CALML6: variants seen among roughly 807,000 people sequenced by gnomAD.
The protein encoded by CALML6 is calmodulin-like protein 6.
Under a neutral mutation model 25.0 loss-of-function variants are expected in CALML6, and 27 were observed. The observed-to-expected ratio is 1.08, with a 90% CI of 0.80 to 1.49. The LOEUF (loss-of-function observed/expected upper bound fraction) is 1.49, where lower values mean the gene tolerates loss of function less well. Among genes scored for constraint, CALML6 ranks in the 40% most tolerant of loss-of-function variants. The probability of loss-of-function intolerance (pLI) is 0.00; values close to 1 mark genes in which losing one functional copy is unlikely to be tolerated. For synonymous variants in CALML6, 97 were observed against 87.2 expected (o/e 1.11, Z -0.63); for missense variants, 239 against 232.7 (o/e 1.03, Z -0.18).
At chr1:1,915,874 C>A in intron 2 of CALML6, 139 bp downstream of exon 2, 1 of 806,448 alleles carries the variant, frequency 1.2e-6, no homozygotes, top group Non-Finnish European at 2.1e-6. Flanking sequence ...AGCCCTGCTG[C>A]CACCAACACA....
chr1:1,916,897 G>T lies in CALML6; in HGVS notation c.398+1G>T, dbSNP rs1179028960. 2 of 1,495,554 alleles carry T rather than the reference G, an allele frequency of 1.3e-6. No homozygotes were observed. 92.6% of individuals were successfully genotyped at this position (1,495,554 alleles called of 1,614,324 possible). A position where few individuals can be genotyped will look rare whatever the true frequency, so the allele number is the denominator to read the frequency against. On this transcript the variant is annotated splice_donor_variant, in intron 4 of 5. Coordinates refer to ENST00000307786, the MANE Select transcript of CALML6 (RefSeq NM_138705.4). LOFTEE classifies it high-confidence loss of function. ...GCTACATTGACTGGAACACACTCAAGTAGGGCCCGGGTTGGGGGCGGGTGG... is the reference window on the plus strand; with the variant it reads ...GCTACATTGACTGGAACACACTCAATTAGGGCCCGGGTTGGGGGCGGGTGG...
chr1:1,915,924 A>C, intron 2 of CALML6, 189 bp downstream of exon 2: 1 of 624,478 alleles, frequency 1.6e-6, no homozygotes, highest in Non-Finnish European at 2.9e-6. Context: ...CCCTTTCTGA[A>C]AGCTGGCTCC....
chr1:1,916,687 G>T, intron 3 of CALML6, 65 bp from the exon 4 acceptor site: 2 of 1,609,268 alleles, frequency 1.2e-6, no homozygotes, highest in Non-Finnish European at 1.7e-6. Context: ...CCTACGGGGG[G>T]AAGAGGCAAA....
chr1:1,915,756 C>T (rs765761552), intron 2 of CALML6, 21 bp downstream of exon 2: 10 of 1,612,218 alleles, frequency 6.2e-6, no homozygotes, highest in East Asian at 2.2e-5. Flanking sequence ...TCTCTGTGCC[C>T]GATGGAGTCT....
chr1:1,916,059 G>T lies in CALML6; in HGVS notation c.78+324G>T, dbSNP rs1192278815. The T allele has an allele frequency of 4.4e-5, 20 of 456,664 alleles. No homozygotes were observed. The Admixed American group carries it at 7.0e-4, about 16-fold the overall frequency. The allele number at this position is 456,664 out of a possible 1,614,324, so 28.3% of individuals were successfully genotyped here. A position where few individuals can be genotyped will look rare whatever the true frequency, so the allele number is the denominator to read the frequency against. On this transcript the variant is annotated intron_variant, in intron 2 of 5. Transcript: ENST00000307786. Reference sequence around the variant, plus strand: ...GCTGTATCCCAATCCTGGGCTGGAAGCCTTTCCCGGGCCAGGGCTGGGCTC... The same window carrying T: ...GCTGTATCCCAATCCTGGGCTGGAATCCTTTCCCGGGCCAGGGCTGGGCTC...
chr1:1,916,282 T>A, intron 2 of CALML6, 159 bp from the exon 3 acceptor site: 3 of 647,476 alleles, frequency 4.6e-6, no homozygotes, highest in Non-Finnish European at 7.6e-6. Flanking sequence ...GTGTGACCCC[T>A]TGTCCTGGAA....
rs562293455 is a variant in CALML6, at chr1:1,916,207, G to A, written c.79-234G>A. ...GCTGTTCCCTCGCACGCTGGCTCCT[G>A]CCTGTCTGGCCCTTGCCCCTGTTAG... On this transcript the variant is annotated intron_variant, in intron 2 of 5. Coordinates refer to ENST00000307786, the MANE Select transcript of CALML6 (RefSeq NM_138705.4). 10 of 482,184 alleles carry A rather than the reference G, an allele frequency of 2.1e-5. No individual in the cohort carries two copies. The South Asian group carries it at 3.0e-4, about 14-fold the overall frequency. 29.9% of individuals were successfully genotyped at this position (482,184 alleles called of 1,614,324 possible).
Position 1,915,290 on chromosome 1 carries a change from C to T in CALML6, c.10C>T (p.Gln4Ter). The change falls in exon 1 of 6, where the codon CAA becomes TAA. Residue 4 changes from glutamine (Q) to a stop codon, truncating the protein, a stop_gained. Coordinates refer to ENST00000307786, the MANE Select transcript of CALML6 (RefSeq NM_138705.4). LOFTEE classifies it high-confidence loss of function. MGL[Q>*]QEISLQPWCH... ...GCACCAGCTGGCCAGGATGGGTCTT[C>T]AACAAGAAATCTCACTGGTAAGTGA... 6.4e-7 allele frequency: 1 copy of T among 1,557,830 alleles called. No individual in the cohort carries two copies. The highest frequency in any genetic ancestry group is 8.7e-7 in the Non-Finnish European group (1 of 1,150,768).
intron 2 of CALML6, 124 bp from the exon 3 acceptor site, chr1:1,916,317 T>C: frequency 1.1e-6 from 1 of 908,312 alleles, no homozygotes. Context: ...GGGGGCCTCC[T>C]CTCTTACCAC....
chr1:1,915,667 C>T lies in CALML6; in HGVS notation c.28-18C>T, dbSNP rs771113006. 1 of 1,612,836 alleles carries T rather than the reference C, an allele frequency of 6.2e-7. No individual in the cohort carries two copies. Among genetic ancestry groups the T allele is most frequent in the South Asian group, 1.1e-5 (1 of 90,992 alleles). ...CTAAAACTCAGCTGCCACCACTGCC[C>T]CAGCACTCTGCCCACAGCAGCCCTG... On this transcript the variant is annotated intron_variant, in intron 1 of 5. Coordinates refer to ENST00000307786, the MANE Select transcript of CALML6 (RefSeq NM_138705.4).
intron 2 of CALML6, 163 bp downstream of exon 2, chr1:1,915,898 G>A: frequency 1.4e-6 from 1 of 699,422 alleles, no homozygotes; most frequent in East Asian, 2.7e-5. Flanking sequence ...CTTGTTCCGG[G>A]GCCAGGGTGG....
Position 1,915,314 on chromosome 1 carries a change from G to T in CALML6, c.27+7G>T, listed in dbSNP as rs1168099212. ...TCAACAAGAAATCTCACTGGTAAGTGATGACAGCATGGGACCAGGGTCCCA... is the reference window on the plus strand; with the variant it reads ...TCAACAAGAAATCTCACTGGTAAGTTATGACAGCATGGGACCAGGGTCCCA... On this transcript the variant is annotated splice_region_variant and intron_variant, in intron 1 of 5. Transcript: ENST00000307786. 1 of 1,554,612 alleles carries T rather than the reference G, an allele frequency of 6.4e-7. No individual in the cohort carries two copies. Among genetic ancestry groups the T allele is most frequent in the South Asian group, 1.2e-5 (1 of 84,316 alleles).
intron 2 of CALML6, 185 bp from the exon 3 acceptor site, chr1:1,916,256 C>G: frequency 1.8e-6 from 1 of 549,456 alleles, no homozygotes. Flanking sequence ...CCCTGCTGGC[C>G]CTGCAAACCC....
Position 1,917,036 on chromosome 1 carries a change from AG to A in CALML6, c.463del (p.Ala155ProfsTer17), listed in dbSNP as rs761617038. 2 of 1,610,000 alleles carry A rather than the reference AG, an allele frequency of 1.2e-6. No homozygotes were observed. Among genetic ancestry groups the A allele is most frequent in the African/African-American group, 2.7e-5 (2 of 74,988 alleles). On this transcript the variant is annotated frameshift_variant, in exon 5 of 6. Coordinates refer to ENST00000307786, the MANE Select transcript of CALML6 (RefSeq NM_138705.4). LOFTEE classifies it low-confidence loss of function (END_TRUNC). ...NEVEAEQMMK[E>X]ADKDGDRTID... is the part of the protein sequence containing the mutation. Reference sequence around the variant, plus strand: ...GTGGAGGCGGAGCAGATGATGAAGGAGGCCGACAAGGATGGGGACAGGACCA... The same window carrying A: ...GTGGAGGCGGAGCAGATGATGAAGGAGCCGACAAGGATGGGGACAGGACCA...
rs772259710 is a variant in CALML6, at chr1:1,917,001, C to T, written c.426C>T (p.Pro142=). 1.9e-6 allele frequency: 3 copies of T among 1,609,880 alleles called. No individual in the cohort carries two copies. The East Asian group carries it at 6.7e-5, about 36-fold the overall frequency. ...LKYVLMNAGE[P]LNEVEAEQMM... ...ACGTGCTAATGAACGCAGGGGAGCCCCTCAACGAGGTGGAGGCGGAGCAGA... is the reference window on the plus strand; with the variant it reads ...ACGTGCTAATGAACGCAGGGGAGCCTCTCAACGAGGTGGAGGCGGAGCAGA... The change falls in exon 5 of 6, where the codon CCC becomes CCT. Residue 142 remains proline, a synonymous_variant. Coordinates refer to ENST00000307786, the MANE Select transcript of CALML6 (RefSeq NM_138705.4).
At chr1:1,915,596 G>A in intron 1 of CALML6, 89 bp from the exon 2 acceptor site, 1 of 1,432,892 alleles carries the variant, frequency 7.0e-7, no homozygotes, top group East Asian at 2.4e-5. Flanking sequence ...ACCCATAAAA[G>A]GCTCTTGGAA....
At chr1:1,916,704 G>A (rs755857395) in intron 3 of CALML6, 48 bp from the exon 4 acceptor site, 1 of 1,612,642 alleles carries the variant, frequency 6.2e-7, no homozygotes, top group Non-Finnish European at 8.5e-7. Flanking sequence ...CAAAGCCCAT[G>A]GGGAGTGCTG....
At chr1:1,915,992 C>T (rs1016578482) in intron 2 of CALML6, 40 of 556,048 alleles carry the variant, frequency 7.2e-5, no homozygotes, top group Admixed American at 7.0e-4. Flanking sequence ...ACTCTCCCTC[C>T]GGAATGCCAC....
chr1:1,915,331 A>G, intron 1 of CALML6, 24 bp downstream of exon 1: 3 of 1,551,538 alleles, frequency 1.9e-6, no homozygotes, highest in South Asian at 2.4e-5. Context: ...GCATGGGACC[A>G]GGGTCCCATG....
Sources: gnomAD v4.1 joint callset for allele counts on GRCh38, gnomAD v4.1.1 for gene constraint, MANE v1.5 for transcripts, NCBI Gene and HGNC (gene_info 2026-07-23, HGNC 2026-07-21) for gene names.